Variants in LIAS observed in about 807,000 individuals in gnomAD.
LIAS encodes lipoyl synthase, mitochondrial.
LIAS carries 36 observed loss-of-function variants against 49.4 expected under a neutral mutation model. The observed-to-expected ratio is 0.73, with a 90% CI of 0.56 to 0.96. LIAS has a LOEUF of 0.96. LIAS is among the 40% of genes least tolerant of loss of function. The pLI is 0.00. For synonymous variants in LIAS, 145 were observed against 155.8 expected, an observed-to-expected ratio of 0.93 and a Z score of 0.52; for missense variants, 399 against 456.3, an observed-to-expected ratio of 0.87 and a Z score of 1.14.
chr4:39,474,446 A>T (rs2687974), intron 10 of LIAS, among the ~76,000 whole-genome samples: 25,981 of 151,230 alleles, frequency 0.17, 2,592 homozygotes, highest in Middle Eastern at 0.34. Flanking sequence ...AAAATAAAAT[A>T]AAAAAAAGAA....
chr4:39,459,705 T>C (rs1578230695), intron 1 of LIAS, among the ~76,000 whole-genome samples: 4 of 152,374 alleles, frequency 2.6e-5, no homozygotes. Flanking sequence ...TGATTTCTTA[T>C]GTTCTTGACT....
rs1295662485 is a variant in LIAS, at chr4:39,477,603, T to TATC, written c.*489_*491dup. 6.5e-5 allele frequency: 10 copies of TATC among 153,150 alleles called. No individual in the cohort carries two copies. Among genetic ancestry groups the TATC allele is most frequent in the African/African-American group, 2.4e-4 (10 of 41,464 alleles). 9.5% of individuals were successfully genotyped at this position (153,150 alleles called of 1,614,324 possible). On this transcript the variant is annotated 3_prime_UTR_variant, in exon 11 of 11. Transcript: ENST00000640888. ...ACAGTAATTCATTTGGCTTTTAGTG[T>TATC]ATCTTCTTTGTCCCAATTAAACAGT...
chr4:39,473,254 T>C (rs1430358820), intron 10 of LIAS, 43 bp downstream of exon 10: 3 of 1,197,526 alleles, frequency 2.5e-6, no homozygotes, highest in Non-Finnish European at 3.7e-6. Context: ...GGCCGTTAAC[T>C]TTCCACATTA....
intron 1 of LIAS, among the ~76,000 whole-genome samples, chr4:39,459,401 T>C (rs1322929314): frequency 6.6e-6 from 1 of 152,234 alleles, no homozygotes; most frequent in Admixed American, 6.5e-5. Context: ...TATTTTCTGC[T>C]TAGAGTGGTT....
rs118052453 is a variant in LIAS, at chr4:39,471,075, C to T, written c.884-161C>T. On this transcript the variant is annotated intron_variant, in intron 8 of 10. Transcript: ENST00000640888. ...TTTCAGTCCTTACCACAGTCCCTGGCACATAATACTTTTGAATGAATAGAT... is the reference window on the plus strand; with the variant it reads ...TTTCAGTCCTTACCACAGTCCCTGGTACATAATACTTTTGAATGAATAGAT... Among the ~76,000 whole-genome samples, 21 of 152,290 alleles carry T rather than the reference C, an allele frequency of 1.4e-4. No individual in the cohort carries two copies. In the East Asian group the frequency reaches 3.7e-3, roughly 27 times the overall value.
chr4:39,473,397 CTT>C, intron 10 of LIAS, 186 bp downstream of exon 10: 2 of 437,976 alleles, frequency 4.6e-6, no homozygotes, highest in Middle Eastern at 4.3e-4. Flanking sequence ...AAAAGTTTCT[CTT>C]AATCTTTTGT....
Position 39,467,634 on chromosome 4 carries a change from C to T in LIAS, c.725C>T (p.Pro242Leu), listed in dbSNP as rs746107734. The T allele has an allele frequency of 9.5e-6, 15 of 1,579,488 alleles. No individual in the cohort carries two copies. The highest frequency in any genetic ancestry group is 1.1e-5 in the Non-Finnish European group (13 of 1,161,436). Residue 242 changes from proline to leucine, a missense_variant, in exon 7 of 11, where the codon CCG becomes CTG. Transcript: ENST00000640888. The stretch of plus-strand genomic sequence containing the variant: ...TATGCACATAATGTAGAAACAGTCC[C>T]GGAATTACAGAGGTGAATACGTGTA... ...DVYAHNVETV[P>L]ELQSKVRDPR...
Position 39,473,110 on chromosome 4 carries a change from A to G in LIAS, c.965A>G (p.Tyr322Cys). ...PTRRHLKVEE[Y>C]ITPEKFKYWE... is the part of the protein sequence containing the mutation. Reference sequence around the variant, plus strand: ...ATTATTTAAATCTAGGTTGAAGAATATATTACTCCTGAAAAATTCAAATAC... The same window carrying G: ...ATTATTTAAATCTAGGTTGAAGAATGTATTACTCCTGAAAAATTCAAATAC... The change falls in exon 10 of 11, where the codon TAT becomes TGT. Residue 322 changes from tyrosine (Y) to cysteine (C), a missense_variant. This residue lies in a region of LIAS where 234 missense variants were observed against 292.2 expected (regional missense o/e 0.80). Transcript: ENST00000640888. 1 of 1,554,646 alleles carries G rather than the reference A, an allele frequency of 6.4e-7. No individual in the cohort carries two copies. Among genetic ancestry groups the G allele is most frequent in the South Asian group, 1.1e-5 (1 of 89,768 alleles).
At chr4:39,461,506 A>G (rs1468491312) in intron 2 of LIAS, among the ~76,000 whole-genome samples, 1 of 152,250 alleles carries the variant, frequency 6.6e-6, no homozygotes, top group Non-Finnish European at 1.5e-5. Flanking sequence ...TCTAGAATGT[A>G]GAGCAGACAG....
chr4:39,469,448 T>C (rs1162159708), intron 7 of LIAS: 1 of 152,232 alleles, frequency 6.6e-6, no homozygotes, highest in Non-Finnish European at 1.5e-5. Context: ...GGTTTGGCCA[T>C]TGTTGAAGTC....
chr4:39,474,696 C>T lies in LIAS; in HGVS notation c.1066+1485C>T, dbSNP rs1455289832. ...CTGCAACCTCTGCCTCTCAGGTTCACGGCATTCTCCTGCCTCAGCCTCCTG... is the reference window on the plus strand; with the variant it reads ...CTGCAACCTCTGCCTCTCAGGTTCATGGCATTCTCCTGCCTCAGCCTCCTG... On this transcript the variant is annotated intron_variant, in intron 10 of 10. Coordinates refer to ENST00000640888, the MANE Select transcript of LIAS (RefSeq NM_006859.4). Among the ~76,000 whole-genome samples the T allele has an allele frequency of 5.3e-5, 8 of 151,730 alleles. No homozygotes were observed. The East Asian group carries it at 9.8e-4, about 19-fold the overall frequency.
rs778102429 is a variant in LIAS, at chr4:39,462,264, C to T, written c.287C>T (p.Thr96Ile). The T allele has an allele frequency of 6.4e-7, 1 of 1,563,276 alleles. No homozygotes were observed. The change falls in exon 3 of 11, where the codon ACT (threonine) becomes ATT (isoleucine). Residue 96 changes from threonine to isoleucine, a missense_variant. Thr to Ile is a moderately conservative substitution (Grantham distance 89). This residue lies in a region of LIAS where 159 missense variants were observed against 147.6 expected (regional missense o/e 1.08). Transcript: ENST00000640888. ...MGKNYNKLKN[T>I]LRNLNLHTVC... ...AAAAATTACAATAAACTGAAAAATA[C>T]TTTGCGGAATTTAAATCTCCATACA... is the stretch of plus-strand genomic sequence containing the variant.
rs1411417321 is a variant in LIAS at position 39,462,190 on chromosome 4, C to T, written c.219-6C>T. The stretch of plus-strand genomic sequence containing the variant: ...TTAATAGATAGTTATGTTTGGCTTT[C>T]CTTAGGTTAAGACTACCTCCATGGC... On this transcript the variant is annotated splice_region_variant and splice_polypyrimidine_tract_variant and intron_variant, in intron 2 of 10. Transcript: ENST00000640888. 2 of 1,440,048 alleles carry T rather than the reference C, an allele frequency of 1.4e-6. No individual in the cohort carries two copies. The highest frequency in any genetic ancestry group is 1.9e-6 in the Non-Finnish European group (2 of 1,068,278). The allele number at this position is 1,440,048 out of a possible 1,614,324, so 89.2% of individuals were successfully genotyped here.
chr4:39,465,496 A>G (rs1744721891), intron 6 of LIAS, among the ~76,000 whole-genome samples, 154 bp downstream of exon 6: 6 of 152,196 alleles, frequency 3.9e-5, no homozygotes, highest in Admixed American at 3.9e-4. Flanking sequence ...ATTTCTTTGG[A>G]AAAAGCATAT....
rs754175393 is a variant in LIAS, at chr4:39,470,109, A to G, written c.828A>G (p.Thr276=). 4 of 1,614,016 alleles carry G rather than the reference A, an allele frequency of 2.5e-6. No homozygotes were observed. Among genetic ancestry groups the G allele is most frequent in the South Asian group, 1.1e-5 (1 of 91,088 alleles). The change falls in exon 8 of 11, where the codon ACA becomes ACG. Residue 276 remains threonine (T), a synonymous_variant. Coordinates refer to ENST00000640888, the MANE Select transcript of LIAS (RefSeq NM_006859.4). ...KKVQPDVISK[T]SIMLGLGEND... is the part of the protein sequence containing the mutation. ...TTCAGCCTGATGTTATTTCTAAAAC[A>G]TCTATAATGTTGGGTTTAGGCGAGA... is the stretch of plus-strand genomic sequence containing the variant.
chr4:39,459,249 C>G (rs950838053), intron 1 of LIAS, 87 bp downstream of exon 1: 2 of 1,223,514 alleles, frequency 1.6e-6, no homozygotes, highest in African/African-American at 3.0e-5. Context: ...AAGGCCAGTG[C>G]ATTTACTGAA....
intron 3 of LIAS, among the ~76,000 whole-genome samples, 164 bp from the exon 4 acceptor site, chr4:39,463,361 G>A (rs1364407216): frequency 6.6e-6 from 1 of 152,186 alleles, no homozygotes; most frequent in African/African-American, 2.4e-5. Flanking sequence ...TGGAATTACA[G>A]GCATGAGCCA....
At chr4:39,470,477 A>G (rs769415275) in intron 8 of LIAS, 15 of 240,960 alleles carry the variant, frequency 6.2e-5, no homozygotes, top group African/African-American at 9.0e-5. Context: ...TTCTCATTCT[A>G]TCATTGGACA....
chr4:39,472,146 C>T (rs7436623), intron 9 of LIAS, among the ~76,000 whole-genome samples: 57,234 of 150,252 alleles, frequency 0.38, 11,133 homozygotes, highest in African/African-American at 0.45. Flanking sequence ...CACACACACA[C>T]ATATATACAC....
Sources: allele counts gnomAD v4.1 joint callset (sites outside exome capture counted in the v4.1 genomes callset), GRCh38; gene constraint gnomAD v4.1.1; regional missense constraint gnomAD v4.1.1; transcripts MANE v1.5; gene names NCBI Gene and HGNC (gene_info 2026-07-23, HGNC 2026-07-21).